DSG1: variants seen among roughly 807,000 people sequenced by gnomAD.
DSG1 encodes desmoglein 1.
Under a neutral mutation model 97.5 loss-of-function variants are expected in DSG1, and 39 were observed. The ratio of observed to expected loss-of-function variants is 0.40; its 90% confidence interval spans 0.31 to 0.52. The LOEUF (loss-of-function observed/expected upper bound fraction) is 0.52, where lower values mean the gene tolerates loss of function less well. Among genes scored for constraint, DSG1 ranks in the 20% least tolerant of loss-of-function variants. The probability of loss-of-function intolerance (pLI) is 0.53; values close to 1 mark genes in which losing one functional copy is unlikely to be tolerated. For missense variants in DSG1, 1,311 were observed against 1,295.4 expected, an observed-to-expected ratio of 1.01 and a Z score of -0.18; for synonymous variants, 475 against 443.4, an observed-to-expected ratio of 1.07 and a Z score of -0.90.
Position 31,339,798 on chromosome 18 carries a change from G to A in DSG1, c.1460G>A (p.Gly487Asp), listed in dbSNP as rs1429340018. The A allele has an allele frequency of 1.2e-6, 2 of 1,613,072 alleles. No homozygotes were observed. The highest frequency in any genetic ancestry group is 2.2e-5 in the East Asian group (1 of 44,850). Reference sequence around the variant, plus strand: ...ATTAATATTAACATTCAAAGTTTTGGTAATGACGACAGGACTAATACAGAG... The same window carrying A: ...ATTAATATTAACATTCAAAGTTTTGATAATGACGACAGGACTAATACAGAG... ...GTININIQSF[G>D]NDDRTNTEPN... The change falls in exon 11 of 15, where the codon GGT (glycine) becomes GAT (aspartate). Residue 487 changes from glycine to aspartate, a missense_variant. Coordinates refer to ENST00000257192, the MANE Select transcript of DSG1 (RefSeq NM_001942.4).
chr18:31,332,886 T>C (rs980609469), intron 6 of DSG1, among the ~76,000 whole-genome samples: 3 of 152,152 alleles, frequency 2.0e-5, no homozygotes, highest in Admixed American at 6.6e-5. Context: ...GTTTCTTTCA[T>C]GTCAAAAGAG....
At chr18:31,336,287 A>T in intron 8 of DSG1, 67 bp from the exon 9 acceptor site, 1 of 1,449,156 alleles carries the variant, frequency 6.9e-7, no homozygotes, top group Non-Finnish European at 9.4e-7. Flanking sequence ...CTATTATCAA[A>T]GGATTTTCTT....
chr18:31,338,184 T>G, intron 9 of DSG1, 131 bp from the exon 10 acceptor site: 1 of 972,394 alleles, frequency 1.0e-6, no homozygotes, highest in Non-Finnish European at 1.5e-6. Flanking sequence ...TGAAAAAAAA[T>G]AAAGTCTCTA....
chr18:31,339,053 C>T (rs566234522), intron 10 of DSG1, among the ~76,000 whole-genome samples: 12 of 152,096 alleles, frequency 7.9e-5, no homozygotes, highest in Non-Finnish European at 1.8e-4. Context: ...CAAATTATTC[C>T]CATATTTTTG....
chr18:31,326,678 A>T, intron 2 of DSG1, 62 bp downstream of exon 2: 1 of 1,449,664 alleles, frequency 6.9e-7, no homozygotes, highest in Non-Finnish European at 9.7e-7. Flanking sequence ...GAGAATAACA[A>T]TATGTTTTCT....
chr18:31,349,286 T>C (rs867134337), intron 14 of DSG1, among the ~76,000 whole-genome samples: 73 of 138,368 alleles, frequency 5.3e-4, no homozygotes, highest in African/African-American at 2.0e-3. Context: ...AGATATGCGG[T>C]GTTATTTCTG....
rs1388945186 is a variant in DSG1, at chr18:31,326,884, A to G, written c.95A>G (p.Tyr32Cys). ...NSEFRIQVRD[Y>C]NTKNGTIKWH... ...TTGCTGTCATTTAAGGTAAGAGATTATAACACTAAAAATGGCACCATCAAA... is the reference window on the plus strand; with the variant it reads ...TTGCTGTCATTTAAGGTAAGAGATTGTAACACTAAAAATGGCACCATCAAA... The change falls in exon 3 of 15, where the codon TAT (tyrosine) becomes TGT (cysteine). Residue 32 changes from tyrosine (Y) to cysteine (C), a missense_variant. Tyr to Cys is a radical substitution (Grantham distance 194). Around this residue, in one of 3 missense-constraint regions of DSG1, gnomAD observed 259 missense variants for 304.1 expected, o/e 0.85. Transcript: ENST00000257192. 1 of 1,613,830 alleles carries G rather than the reference A, an allele frequency of 6.2e-7. No homozygotes were observed.
At position 31,339,740 on chromosome 18, in the gene DSG1, A is replaced by G. The variant is rs368567757; in HGVS notation, c.1406-4A>G. 1.9e-4 allele frequency: 310 copies of G among 1,602,598 alleles called. No homozygotes were observed. The African/African-American group carries it at 3.5e-3, about 18-fold the overall frequency. ...TATTTCTTCCATTTTGAACGTTATT[A>G]CAGATAATCTTCAAAGAACTTGCAC... On this transcript the variant is annotated splice_region_variant and splice_polypyrimidine_tract_variant and intron_variant, in intron 10 of 14. Coordinates refer to ENST00000257192, the MANE Select transcript of DSG1 (RefSeq NM_001942.4).
At chr18:31,318,428 C>A in intron 1 of DSG1, 80 bp downstream of exon 1, 1 of 1,123,566 alleles carries the variant, frequency 8.9e-7, no homozygotes, top group Non-Finnish European at 1.4e-6. Flanking sequence ...TGTTAGTGGG[C>A]ATTATTTCTA....
chr18:31,346,126 A>T lies in DSG1; in HGVS notation c.2028A>T (p.Leu676Phe), dbSNP rs754679985. ...TATGTCAAGAATACTCTGGAACATTAAGAAGAAATTCTATGAGGGAATGTA... is the reference window on the plus strand; with the variant it reads ...TATGTCAAGAATACTCTGGAACATTTAGAAGAAATTCTATGAGGGAATGTA... ...PEICQEYSGT[L>F]RRNSMRECRE... Residue 676 changes from leucine to phenylalanine, a missense_variant, in exon 14 of 15, where the codon TTA (leucine) becomes TTT (phenylalanine). Transcript: ENST00000257192. The T allele has an allele frequency of 1.9e-6, 3 of 1,613,934 alleles. No homozygotes were observed. The highest frequency in any genetic ancestry group is 2.2e-5 in the South Asian group (2 of 91,086).
In DSG1 at chr18:31,355,096, C is replaced by A. The variant is rs1250864435; in HGVS notation, c.2900C>A (p.Thr967Asn). ...GCTGGCGTAACTGGAATTAGTGGCA[C>A]CACTGGGATCAGCGGTGGCATAGGC... is the stretch of plus-strand genomic sequence containing the variant. Reference protein sequence around the residue: ...SGAGVTGISGTTGISGGIGSS... With the variant: ...SGAGVTGISGNTGISGGIGSS... Residue 967 changes from threonine (T) to asparagine (N), a missense_variant, in exon 15 of 15, where the codon ACC (threonine) becomes AAC (asparagine). Thr to Asn is a moderately conservative substitution (Grantham distance 65). Around this residue, in one of 3 missense-constraint regions of DSG1, gnomAD observed 1,038 missense variants for 964.6 expected, o/e 1.08. Coordinates refer to ENST00000257192, the MANE Select transcript of DSG1 (RefSeq NM_001942.4). 5.0e-6 allele frequency: 8 copies of A among 1,614,042 alleles called. No individual in the cohort carries two copies. Among genetic ancestry groups the A allele is most frequent in the Non-Finnish European group, 6.8e-6 (8 of 1,180,008 alleles).
At chr18:31,336,181 A>C (rs1403399317) in intron 8 of DSG1, among the ~76,000 whole-genome samples, 173 bp from the exon 9 acceptor site, 1 of 152,158 alleles carries the variant, frequency 6.6e-6, no homozygotes, top group Non-Finnish European at 1.5e-5. Flanking sequence ...CTTTATTTGC[A>C]CAAATTTACA....
intron 1 of DSG1, among the ~76,000 whole-genome samples, chr18:31,320,756 G>C (rs1037117052): frequency 1.3e-5 from 2 of 152,154 alleles, no homozygotes; most frequent in African/African-American, 4.8e-5. Flanking sequence ...CTAGGCCTGA[G>C]AACAATGCTT....
intron 9 of DSG1, among the ~76,000 whole-genome samples, chr18:31,337,191 G>C (rs1255369800): frequency 1.3e-5 from 2 of 152,176 alleles, no homozygotes; most frequent in African/African-American, 2.4e-5. Context: ...ACTGTGACAA[G>C]AAGAATGGGA....
chr18:31,354,658 T>A lies in DSG1; in HGVS notation c.2462T>A (p.Leu821Gln), dbSNP rs16961692. The change falls in exon 15 of 15, where the codon CTG becomes CAG. Residue 821 changes from leucine to glutamine, a missense_variant. Leu to Gln is a moderately radical substitution (Grantham distance 113). This residue lies in a region of DSG1 where 1,038 missense variants were observed against 964.6 expected (regional missense o/e 1.08). Transcript: ENST00000257192. ...ACCTATCCCTCGGGACCTGGTGTAC[T>A]GCATCCTAAGCCTATTCTCGATCCT... ...ESTYPSGPGV[L>Q]HPKPILDPLG... is the part of the protein sequence containing the mutation. 7.3e-3 allele frequency: 11,812 copies of A among 1,614,142 alleles called. 797 individuals are homozygous for A. In the African/African-American group the frequency reaches 0.14, roughly 19 times the overall value.
chr18:31,334,230 G>A (rs1187235874), intron 8 of DSG1, 28 bp downstream of exon 8: 2 of 1,461,444 alleles, frequency 1.4e-6, no homozygotes, highest in Non-Finnish European at 1.9e-6. Context: ...TAAATATTTT[G>A]TTTTCTTAAT....
At chr18:31,338,240 AAC>A (rs1491438557) in intron 9 of DSG1, 73 bp from the exon 10 acceptor site, 29 of 1,453,428 alleles carry the variant, frequency 2.0e-5, no homozygotes, top group African/African-American at 1.1e-4. Context: ...CACTGAAAAA[AAC>A]AATACATTTT....
chr18:31,325,956 C>A (rs951828081), intron 1 of DSG1, among the ~76,000 whole-genome samples: 6 of 151,932 alleles, frequency 3.9e-5, no homozygotes, highest in Admixed American at 1.3e-4. Flanking sequence ...AAATACATAA[C>A]CTAATACCTA....
chr18:31,336,655 CT>C, intron 9 of DSG1, 42 bp downstream of exon 9: 1 of 1,592,616 alleles, frequency 6.3e-7, no homozygotes, highest in Non-Finnish European at 8.6e-7. Flanking sequence ...ACATATTGAA[CT>C]TAAGTACATA....
Sources: gnomAD v4.1 joint callset for allele counts (sites outside exome capture counted in the v4.1 genomes callset) on GRCh38, gnomAD v4.1.1 for gene constraint, gnomAD v4.1.1 regional missense constraint, MANE v1.5 for transcripts, NCBI Gene and HGNC (gene_info 2026-07-23, HGNC 2026-07-21) for gene names.